TDP1: variants seen among roughly 807,000 people sequenced by gnomAD.
The protein encoded by TDP1 is tyr-DNA phosphodiesterase 1.
A neutral mutation model predicts 81.5 loss-of-function variants in TDP1; 64 were observed. The ratio of observed to expected loss-of-function variants is 0.79; its 90% CI spans 0.64 to 0.97. TDP1 has a LOEUF of 0.97. Ranked by LOEUF, TDP1 falls within the 50% of genes least tolerant of loss-of-function variation. The probability of loss-of-function intolerance (pLI) is 0.00; values close to 1 mark genes in which losing one functional copy is unlikely to be tolerated. For synonymous variants in TDP1, 256 were observed against 264.3 expected (o/e 0.97, Z 0.30); for missense variants, 723 against 743.8 (o/e 0.97, Z 0.33).
chr14:90,022,842 T>G, intron 15 of TDP1: 9 of 819,516 alleles, frequency 1.1e-5, no homozygotes, highest in Non-Finnish European at 1.0e-5. Flanking sequence ...GTTTGTCGTT[T>G]CGCTGAGTTT....
intron 2 of TDP1, among the ~76,000 whole-genome samples, chr14:89,960,632 A>G (rs531948299): frequency 2.6e-5 from 4 of 152,350 alleles, no homozygotes; most frequent in African/African-American, 9.6e-5. Context: ...AGCCCTCTCT[A>G]CAGTCAATAA....
intron 9 of TDP1, 115 bp from the exon 10 acceptor site, chr14:89,985,017 A>G: frequency 7.5e-7 from 1 of 1,333,994 alleles, no homozygotes; most frequent in South Asian, 1.4e-5. Flanking sequence ...AAGAAAATGG[A>G]TTGGCTCTTA....
chr14:89,975,428 A>G (rs1399478045), intron 6 of TDP1: 2 of 985,196 alleles, frequency 2.0e-6, no homozygotes, highest in Non-Finnish European at 2.4e-6. Context: ...TAATTTCTGT[A>G]TAAGCCAAAT....
intron 6 of TDP1, 117 bp from the exon 7 acceptor site, chr14:89,975,664 G>C: frequency 9.8e-7 from 1 of 1,024,990 alleles, no homozygotes; most frequent in South Asian, 1.3e-5. Flanking sequence ...GCCTGGTAGA[G>C]ATCAGTAAAA....
At chr14:89,993,901 G>A (rs150184416) in intron 14 of TDP1, among the ~76,000 whole-genome samples, 2 of 152,224 alleles carry the variant, frequency 1.3e-5, no homozygotes, top group Non-Finnish European at 2.9e-5. Flanking sequence ...TCTTTAAGGT[G>A]TAATTCACGT....
chr14:89,993,329 A>G (rs747853732), intron 13 of TDP1, 47 bp from the exon 14 acceptor site: 2 of 1,497,652 alleles, frequency 1.3e-6, no homozygotes, highest in South Asian at 2.3e-5. Context: ...TAGGATTATG[A>G]TCAATTTTAT....
Position 90,036,738 on chromosome 14 carries a change from C to G in TDP1, c.1753+3524C>G, listed in dbSNP as rs1319657989. 2.0e-5 allele frequency among the ~76,000 whole-genome samples: 3 copies of G among 152,122 alleles called. No homozygotes were observed. In the East Asian group the frequency reaches 5.8e-4, roughly 29 times the overall value. On this transcript the variant is annotated intron_variant, in intron 16 of 16. Transcript: ENST00000335725. ...CCTTACTCTCATCAAACTTACATTC[C>G]TCTTCTCCTGAAAAATCAAACTTAA...
At chr14:89,982,140 G>T (rs1045093107) in intron 8 of TDP1, among the ~76,000 whole-genome samples, 3 of 152,068 alleles carry the variant, frequency 2.0e-5, no homozygotes, top group Non-Finnish European at 4.4e-5. Context: ...CCACTCCCTT[G>T]CCCCACCATA....
intron 15 of TDP1, among the ~76,000 whole-genome samples, chr14:90,027,226 C>A (rs917475530): frequency 2.0e-5 from 3 of 152,078 alleles, no homozygotes; most frequent in Non-Finnish European, 4.4e-5. Flanking sequence ...ATGAGCATTC[C>A]TGGCAAGAAT....
intron 16 of TDP1, among the ~76,000 whole-genome samples, chr14:90,040,354 A>G (rs1163388856): frequency 7.2e-5 from 11 of 152,234 alleles, no homozygotes; most frequent in Admixed American, 5.2e-4. Flanking sequence ...TTAGAATTTG[A>G]TAAAAATGCA....
intron 14 of TDP1, among the ~76,000 whole-genome samples, chr14:90,008,715 CTTTTGTTTAT>C (rs1482977150): frequency 2.0e-5 from 3 of 152,054 alleles, no homozygotes; most frequent in African/African-American, 7.2e-5. Context: ...ACTTTGAAAT[CTTTTGTTTAT>C]TTTTGTTTTG....
intron 14 of TDP1, among the ~76,000 whole-genome samples, chr14:90,004,853 C>T (rs1274668550): frequency 6.6e-6 from 1 of 152,184 alleles, no homozygotes; most frequent in Admixed American, 6.5e-5. Flanking sequence ...GTTAAACATG[C>T]TGTTAGGCTT....
intron 15 of TDP1, among the ~76,000 whole-genome samples, chr14:90,031,098 A>AT (rs1490344339): frequency 1.3e-5 from 2 of 150,880 alleles, no homozygotes; most frequent in African/African-American, 2.4e-5. Context: ...AACACAGAAC[A>AT]TTTTTTTTTA....
chr14:90,008,239 C>T (rs1423206402), intron 14 of TDP1, among the ~76,000 whole-genome samples: 1 of 152,206 alleles, frequency 6.6e-6, no homozygotes, highest in African/African-American at 2.4e-5. Context: ...CGGACCCTCT[C>T]ATTCTATCTT....
intron 15 of TDP1, among the ~76,000 whole-genome samples, chr14:90,025,096 G>T (rs904128867): frequency 1.3e-5 from 2 of 152,182 alleles, no homozygotes; most frequent in African/African-American, 2.4e-5. Context: ...GCTGTGTTCT[G>T]AGGGGCTCAT....
At chr14:90,001,001 A>C (rs1348855255) in intron 14 of TDP1, among the ~76,000 whole-genome samples, 2 of 152,166 alleles carry the variant, frequency 1.3e-5, no homozygotes, top group Non-Finnish European at 2.9e-5. Context: ...ATCACAAAAG[A>C]TCTGATTTCC....
intron 5 of TDP1, among the ~76,000 whole-genome samples, chr14:89,968,234 A>G (rs539256922): frequency 6.6e-6 from 1 of 152,164 alleles, no homozygotes; most frequent in Non-Finnish European, 1.5e-5. Flanking sequence ...CAAAATAACA[A>G]TGGCTTAAAT....
At chr14:90,011,951 C>T (rs1368175933) in intron 14 of TDP1, among the ~76,000 whole-genome samples, 1 of 152,224 alleles carries the variant, frequency 6.6e-6, no homozygotes, top group East Asian at 1.9e-4. Flanking sequence ...AAAATGTCTG[C>T]AGGGCATGTC....
chr14:89,977,586 C>G (rs759150733), intron 7 of TDP1, among the ~76,000 whole-genome samples: 1 of 152,252 alleles, frequency 6.6e-6, no homozygotes, highest in Non-Finnish European at 1.5e-5. Flanking sequence ...GCGTGAGCCA[C>G]CGCACCTAGC....
Sources: allele counts gnomAD v4.1 joint callset (sites outside exome capture counted in the v4.1 genomes callset), GRCh38; gene constraint gnomAD v4.1.1; transcripts MANE v1.5; gene names NCBI Gene and HGNC (gene_info 2026-07-23, HGNC 2026-07-21).